The following ARID3A variants were observed in gnomAD, a reference collection of about 807,000 sequenced individuals.
ARID3A encodes the protein AT-rich interaction domain 3A.
ARID3A carries 11 observed loss-of-function variants against 52.7 expected under a neutral mutation model. The observed-to-expected ratio is 0.21, with a 90% CI of 0.13 to 0.35. The LOEUF (loss-of-function observed/expected upper bound fraction) is 0.35, where lower values mean the gene tolerates loss of function less well. Among genes scored for constraint, ARID3A ranks in the 10% least tolerant of loss-of-function variants. The pLI is 1.00. For synonymous variants in ARID3A, 404 were observed against 359.4 expected (o/e 1.12, Z -1.40); for missense variants, 721 against 838.5 (o/e 0.86, Z 1.73).
rs1226803467 is a variant in ARID3A, at chr19:944,952, C to T, written c.693+12210C>T. Among the ~76,000 whole-genome samples the T allele has an allele frequency of 2.0e-5, 3 of 152,208 alleles. No homozygotes were observed. The highest frequency in any genetic ancestry group is 7.2e-5 in the African/African-American group (3 of 41,446). Reference sequence around the variant, plus strand: ...CCCTGTCTCTGCCACCCGCCCCGTCCCTTCCACCACGTCGCCCTGTAATTC... The same window carrying T: ...CCCTGTCTCTGCCACCCGCCCCGTCTCTTCCACCACGTCGCCCTGTAATTC... On this transcript the variant is annotated intron_variant, in intron 3 of 8. Transcript: ENST00000263620. The surrounding 1 kb of genome is among the most constrained non-coding windows in gnomAD (Gnocchi z 5.9).
chr19:974,256 G>A lies in ARID3A; in HGVS notation c.*2191G>A, dbSNP rs981585132. 2.6e-5 allele frequency: 6 copies of A among 227,146 alleles called. No individual in the cohort carries two copies. The highest frequency in any genetic ancestry group is 5.7e-5 in the Admixed American group (1 of 17,618). The allele number at this position is 227,146 out of a possible 1,614,324, so 14.1% of individuals were successfully genotyped here. A position where few individuals can be genotyped will look rare whatever the true frequency, so the allele number is the denominator to read the frequency against. ...GGGAGGGGACCCCCACTTCCTTCTC[G>A]GATCTCAGGGCCGTGGACACACACC... On this transcript the variant is annotated 3_prime_UTR_variant, in exon 9 of 9. Coordinates refer to ENST00000263620, the MANE Select transcript of ARID3A (RefSeq NM_005224.3).
At chr19:930,147 A>G (rs2037290916) in intron 2 of ARID3A, among the ~76,000 whole-genome samples, 1 of 152,022 alleles carries the variant, frequency 6.6e-6, no homozygotes, top group Admixed American at 6.5e-5. Context: ...CTGTGGTCCC[A>G]GCTACTGGGG....
At chr19:948,859 GC>G (rs2037742729) in intron 3 of ARID3A, among the ~76,000 whole-genome samples, 1 of 151,924 alleles carries the variant, frequency 6.6e-6, no homozygotes, top group African/African-American at 2.4e-5. Context: ...ACAGGCGTGC[GC>G]CACCACGCCC....
intron 3 of ARID3A, among the ~76,000 whole-genome samples, chr19:946,340 C>T (rs1363360635): frequency 6.6e-6 from 1 of 151,884 alleles, no homozygotes; most frequent in Admixed American, 6.6e-5. Context: ...TGGCTCACTG[C>T]AAGCTCCGCC....
At chr19:927,921 G>A (rs1173231599) in intron 1 of ARID3A, among the ~76,000 whole-genome samples, 3 of 111,776 alleles carry the variant, frequency 2.7e-5, no homozygotes, top group African/African-American at 5.0e-5. Context: ...TCACCCATGG[G>A]GCCGAAAGAC....
intron 8 of ARID3A, 111 bp from the exon 9 acceptor site, chr19:971,766 GA>G (rs2038279706): frequency 3.0e-6 from 4 of 1,355,522 alleles, no homozygotes; most frequent in Non-Finnish European, 3.9e-6. Flanking sequence ...TAGCCTGGGG[GA>G]CAGAGTGAGA....
chr19:948,605 C>G (rs376821105), intron 3 of ARID3A, among the ~76,000 whole-genome samples: 1 of 152,030 alleles, frequency 6.6e-6, no homozygotes, highest in Non-Finnish European at 1.5e-5. Context: ...GGCTCTGCTC[C>G]GTCTTCATTC....
intron 3 of ARID3A, among the ~76,000 whole-genome samples, chr19:934,664 G>T (rs1450521730): frequency 6.6e-6 from 1 of 152,172 alleles, no homozygotes; most frequent in Non-Finnish European, 1.5e-5. Flanking sequence ...GTAGGGACCG[G>T]GTGCCGCCTC....
At chr19:962,821 C>T (rs1437614690) in intron 4 of ARID3A, among the ~76,000 whole-genome samples, 1 of 152,120 alleles carries the variant, frequency 6.6e-6, no homozygotes, top group East Asian at 1.9e-4. Context: ...GGCCTGATGC[C>T]GTTACTTTTA....
At position 941,358 on chromosome 19, in the gene ARID3A, T is replaced by C. The variant is rs528689362; in HGVS notation, c.693+8616T>C. Among the ~76,000 whole-genome samples the C allele has an allele frequency of 2.2e-4, 33 of 152,266 alleles. No homozygotes were observed. The highest frequency in any genetic ancestry group is 4.1e-4 in the South Asian group (2 of 4,828). On this transcript the variant is annotated intron_variant, in intron 3 of 8. Transcript: ENST00000263620. This position sits in a 1 kb window ranked among gnomAD's most constrained non-coding sequence, Gnocchi z 6.9. ...CAGCATCTTCGGACCCTCCAAGGCC[T>C]CTGCCCACCGGGCACCTGCTGGATT...
At chr19:968,625 G>C in intron 8 of ARID3A, 122 bp downstream of exon 8, 3 of 807,506 alleles carry the variant, frequency 3.7e-6, no homozygotes, top group Non-Finnish European at 6.1e-6. Context: ...GCAGGGCACG[G>C]CCAGGGGCTT....
intron 8 of ARID3A, among the ~76,000 whole-genome samples, chr19:969,890 A>G (rs982282553): frequency 1.3e-4 from 20 of 151,578 alleles, no homozygotes; most frequent in African/African-American, 4.6e-4. Context: ...ATGAGGTTTC[A>G]CCATGTTGGC....
chr19:942,667 C>T lies in ARID3A; in HGVS notation c.693+9925C>T, dbSNP rs1018358127. 3.3e-5 allele frequency among the ~76,000 whole-genome samples: 5 copies of T among 152,182 alleles called. No individual in the cohort carries two copies. The highest frequency in any genetic ancestry group is 2.1e-4 in the South Asian group (1 of 4,830). On this transcript the variant is annotated intron_variant, in intron 3 of 8. Transcript: ENST00000263620. This position sits in a 1 kb window ranked among gnomAD's most constrained non-coding sequence, Gnocchi z 8.1. ...GTGGAGGCCGCCCCTCCCACTGCCC[C>T]GCAGGCCCTGGTTCTGGCCAGGCTC...
At chr19:940,928 G>GTC in intron 3 of ARID3A, among the ~76,000 whole-genome samples, 1 of 151,870 alleles carries the variant, frequency 6.6e-6, no homozygotes, top group East Asian at 2.0e-4. Context: ...GGGTGGGTGG[G>GTC]TGCCCGCCAG....
At chr19:928,085 C>T (rs1018598651) in intron 1 of ARID3A, among the ~76,000 whole-genome samples, 1 of 152,002 alleles carries the variant, frequency 6.6e-6, no homozygotes, top group South Asian at 2.1e-4. Context: ...CCTGCCTCCT[C>T]GTCTCTCCAG....
rs763374057 is a variant in ARID3A, at chr19:966,622, C to T, written c.1249C>T (p.Leu417=). 1.4e-5 allele frequency: 22 copies of T among 1,595,240 alleles called. No homozygotes were observed. The highest frequency in any genetic ancestry group is 1.8e-5 in the Non-Finnish European group (21 of 1,166,688). Residue 417 remains leucine (L), a synonymous_variant, in exon 7 of 9, where the codon CTG becomes TTG. Transcript: ENST00000263620. Reference sequence around the variant, plus strand: ...AGTCCCTGGCCGCCTGCCTGTGTCCCTGGCGGGCCACCCTGTGGTGGCAGC... The same window carrying T: ...AGTCCCTGGCCGCCTGCCTGTGTCCTTGGCGGGCCACCCTGTGGTGGCAGC... The part of the protein sequence containing the change: ...ITVPGRLPVS[L]AGHPVVAAQA...
At chr19:951,433 T>C (rs1052181737) in intron 3 of ARID3A, among the ~76,000 whole-genome samples, 3 of 151,940 alleles carry the variant, frequency 2.0e-5, no homozygotes, top group African/African-American at 7.2e-5. Context: ...GGCAGGTGCC[T>C]GTGGTCCCAC....
At position 932,662 on chromosome 19, in the gene ARID3A, C is replaced by A; in HGVS notation, c.613C>A (p.Pro205Thr). The A allele has an allele frequency of 6.5e-7, 1 of 1,545,086 alleles. No individual in the cohort carries two copies. The highest frequency in any genetic ancestry group is 8.7e-7 in the Non-Finnish European group (1 of 1,145,854). Residue 205 changes from proline (P) to threonine (T), a missense_variant, in exon 3 of 9, where the codon CCC (proline) becomes ACC (threonine). Pro to Thr is a conservative substitution (Grantham distance 38). This residue lies in a region of ARID3A where 349 missense variants were observed against 297.3 expected (regional missense o/e 1.17). Coordinates refer to ENST00000263620, the MANE Select transcript of ARID3A (RefSeq NM_005224.3). ...QERPGPGPAH[P>T]GGAAHVAPQL... ...GCGGCCGGGGCCTGGCCCTGCCCAC[C>A]CCGGAGGGGCCGCCCACGTAGCCCC...
chr19:972,534 A>G lies in ARID3A; in HGVS notation c.*469A>G, dbSNP rs1472927161. 4.6e-6 allele frequency: 1 copy of G among 217,024 alleles called. No homozygotes were observed. Among genetic ancestry groups the G allele is most frequent in the Non-Finnish European group, 9.3e-6 (1 of 107,862 alleles). The allele number at this position is 217,024 out of a possible 1,614,324, so 13.4% of individuals were successfully genotyped here. A position where few individuals can be genotyped will look rare whatever the true frequency, so the allele number is the denominator to read the frequency against. On this transcript the variant is annotated 3_prime_UTR_variant, in exon 9 of 9. Coordinates refer to ENST00000263620, the MANE Select transcript of ARID3A (RefSeq NM_005224.3). The stretch of plus-strand genomic sequence containing the variant: ...CTGCTTTAGTTCTCTTTTATTTTCT[A>G]TTCACCACACACTCACCACTCCCAG...
Sources: gnomAD v4.1 joint callset for allele counts (sites outside exome capture counted in the v4.1 genomes callset) on GRCh38, gnomAD v4.1.1 for gene constraint, gnomAD v4.1.1 regional missense constraint, Gnocchi (gnomAD v3.1) non-coding constraint, MANE v1.5 for transcripts, NCBI Gene and HGNC (gene_info 2026-07-23, HGNC 2026-07-21) for gene names.